Variants in PCDH15 observed in about 807,000 individuals in gnomAD.
PCDH15 encodes the protein protocadherin related 15.
In PCDH15, 129 loss-of-function variants were observed where a neutral mutation model predicts 178.5. That is an observed-to-expected ratio of 0.72 (90% CI 0.63 to 0.84). The LOEUF (loss-of-function observed/expected upper bound fraction) is 0.84. Ranked by LOEUF, PCDH15 falls within the 40% of genes least tolerant of loss-of-function variation. The pLI is 0.00. For missense variants in PCDH15, 2,230 were observed against 2,099.9 expected (o/e 1.06, Z -1.21); for synonymous variants, 800 against 732.0 (o/e 1.09, Z -1.50).
At chr10:55,196,715 T>C (rs1840102233) in intron 1 of PCDH15, among the ~76,000 whole-genome samples, 2 of 152,080 alleles carry the variant, frequency 1.3e-5, no homozygotes, top group Admixed American at 1.3e-4. Context: ...CAGATACATT[T>C]AGTCCTTAAG....
intron 2 of PCDH15, among the ~76,000 whole-genome samples, chr10:55,155,925 G>T (rs1409537286): frequency 6.6e-6 from 1 of 152,092 alleles, no homozygotes; most frequent in Non-Finnish European, 1.5e-5. Context: ...TTTTCACTAA[G>T]CCTCCATTTA....
At chr10:55,151,069 T>C (rs1355291579) in intron 2 of PCDH15, among the ~76,000 whole-genome samples, 1 of 152,110 alleles carries the variant, frequency 6.6e-6, no homozygotes, top group Non-Finnish European at 1.5e-5. Flanking sequence ...TCAACAATGA[T>C]ACAGATTCCA....
chr10:54,831,797 C>T (rs1052308211), intron 3 of PCDH15, among the ~76,000 whole-genome samples: 5 of 151,968 alleles, frequency 3.3e-5, no homozygotes, highest in African/African-American at 1.2e-4. Flanking sequence ...ACATTTATTA[C>T]ATGATCAATT....
intron 3 of PCDH15, among the ~76,000 whole-genome samples, chr10:54,508,417 G>T (rs1304615031): frequency 2.0e-5 from 3 of 152,000 alleles, no homozygotes; most frequent in African/African-American, 4.8e-5. Flanking sequence ...CTTATGATGA[G>T]ATTATATTCA....
At chr10:54,156,519 G>A (rs976096033) in intron 13 of PCDH15, among the ~76,000 whole-genome samples, 2 of 152,154 alleles carry the variant, frequency 1.3e-5, no homozygotes, top group African/African-American at 2.4e-5. Flanking sequence ...CACAAGAACA[G>A]CACAGGAAAG....
At chr10:54,945,390 T>C (rs1382265497) in intron 2 of PCDH15, among the ~76,000 whole-genome samples, 1 of 151,322 alleles carries the variant, frequency 6.6e-6, no homozygotes, top group Non-Finnish European at 1.5e-5. Flanking sequence ...GATAGATAGA[T>C]AGATATAAAA....
chr10:55,329,645 A>C (rs1272509626), intron 2 of PCDH15, among the ~76,000 whole-genome samples: 2 of 151,884 alleles, frequency 1.3e-5, no homozygotes, highest in Non-Finnish European at 3.0e-5. Context: ...TTGTTTACCC[A>C]GTCTTATTAT....
chr10:55,258,270 G>A (rs1842055105), intron 1 of PCDH15, among the ~76,000 whole-genome samples: 1 of 152,126 alleles, frequency 6.6e-6, no homozygotes, highest in Admixed American at 6.5e-5. Context: ...ATATTAATTA[G>A]TTTTTGAATG....
At chr10:54,574,047 A>G (rs1395975215) in intron 2 of PCDH15, among the ~76,000 whole-genome samples, 1 of 151,914 alleles carries the variant, frequency 6.6e-6, no homozygotes, top group Non-Finnish European at 1.5e-5. Context: ...TCATTTGTCA[A>G]TTTTGTCTTT....
chr10:54,416,753 G>T (rs539454427), intron 3 of PCDH15, among the ~76,000 whole-genome samples: 1 of 152,204 alleles, frequency 6.6e-6, no homozygotes, highest in South Asian at 2.1e-4. Flanking sequence ...CAGTGTAAAA[G>T]TGTGCCTATT....
At chr10:54,836,591 T>C (rs887774556) in intron 3 of PCDH15, among the ~76,000 whole-genome samples, 8 of 152,106 alleles carry the variant, frequency 5.3e-5, no homozygotes, top group African/African-American at 1.7e-4. Context: ...GTGTATTTTT[T>C]TGAAAAAGAT....
At chr10:54,941,087 G>A (rs1838051531) in intron 2 of PCDH15, among the ~76,000 whole-genome samples, 1 of 151,748 alleles carries the variant, frequency 6.6e-6, no homozygotes, top group Admixed American at 6.6e-5. Context: ...TGGGTCTTGT[G>A]TTCTTTTTCG....
intron 37 of PCDH15, chr10:53,808,882 G>A (rs760415680): frequency 3.8e-6 from 6 of 1,599,636 alleles, no homozygotes; most frequent in Middle Eastern, 1.6e-4. Flanking sequence ...AGCTGATTCT[G>A]CACTGCCCTC....
At chr10:55,093,038 T>C (rs1170984609) in intron 2 of PCDH15, among the ~76,000 whole-genome samples, 1 of 152,066 alleles carries the variant, frequency 6.6e-6, no homozygotes, top group Non-Finnish European at 1.5e-5. Context: ...ACAATGAAGA[T>C]GAACTGTGGT....
At chr10:54,098,934 A>C (rs1407663412) in intron 15 of PCDH15, among the ~76,000 whole-genome samples, 1 of 152,162 alleles carries the variant, frequency 6.6e-6, no homozygotes, top group Non-Finnish European at 1.5e-5. Flanking sequence ...TATAAATAGA[A>C]GTTTATTTGT....
rs562555229 is a variant in PCDH15 at position 55,105,647 on chromosome 10, T to C, written c.-80+60929A>G. Among the ~76,000 whole-genome samples the C allele has an allele frequency of 8.5e-5, 13 of 152,252 alleles. No individual in the cohort carries two copies. In the South Asian group the frequency reaches 1.5e-3, roughly 17 times the overall value. ...ATTCATCTGGCTGTTTTGGAAAACT[T>C]AAGTCATAAGCAGCAGGTATGTTTA... On this transcript the variant is annotated intron_variant, in intron 2 of 5. Coordinates refer to the PCDH15 transcript ENST00000458638.
intron 1 of PCDH15, among the ~76,000 whole-genome samples, chr10:55,203,449 G>A (rs1840308914): frequency 6.6e-6 from 1 of 151,846 alleles, no homozygotes; most frequent in Admixed American, 6.6e-5. Flanking sequence ...TAAAGATAAA[G>A]GAAATGAAAC....
Position 53,938,867 on chromosome 10 carries a change from G to A in PCDH15, c.3321C>T (p.Val1107=). Residue 1107 remains valine, a synonymous_variant, in exon 25 of 38, where the codon GTC becomes GTT. Transcript: ENST00000644397. ...GGACCACTTCCAGGGAATCAGCTTG[G>A]ACTCGAAGTACATAGCTTGTCCTGG... is the stretch of plus-strand genomic sequence containing the variant. ...YETRTSYVLR[V]QADSLEVVLA... The A allele has an allele frequency of 6.2e-7, 1 of 1,613,552 alleles. No individual in the cohort carries two copies. The highest frequency in any genetic ancestry group is 8.5e-7 in the Non-Finnish European group (1 of 1,179,644).
At chr10:54,419,243 T>TACAAACACAC (rs1554962308) in intron 3 of PCDH15, among the ~76,000 whole-genome samples, 1 of 150,542 alleles carries the variant, frequency 6.6e-6, no homozygotes, top group African/African-American at 2.4e-5. Context: ...CATATATACA[T>TACAAACACAC]ACACACACAC....
Sources: gnomAD v4.1 joint callset for allele counts (sites outside exome capture counted in the v4.1 genomes callset) on GRCh38, gnomAD v4.1.1 for gene constraint, MANE v1.5 for transcripts, NCBI Gene and HGNC (gene_info 2026-07-23, HGNC 2026-07-21) for gene names.